Variants in C6orf52 observed in about 807,000 individuals in gnomAD.
C6orf52 encodes putative uncharacterized protein C6orf52.
In C6orf52, 16 loss-of-function variants were observed where a neutral mutation model predicts 16.6. The observed-to-expected ratio is 0.96, with a 90% CI of 0.65 to 1.46. C6orf52 has a LOEUF of 1.46. C6orf52 is among the 40% of genes most tolerant of loss of function. C6orf52 has a pLI of 0.00. For synonymous variants in C6orf52, 53 were observed against 61.4 expected, an observed-to-expected ratio of 0.86 and a Z score of 0.64; for missense variants, 166 against 182.3, an observed-to-expected ratio of 0.91 and a Z score of 0.52.
chr6:10,684,291 G>C (rs1183658724), intron 3 of C6orf52, among the ~76,000 whole-genome samples: 1 of 152,166 alleles, frequency 6.6e-6, no homozygotes, highest in Non-Finnish European at 1.5e-5. Context: ...CTGGGCAAAA[G>C]AGCAAGACAT....
intron 4 of C6orf52, among the ~76,000 whole-genome samples, chr6:10,676,216 T>G (rs1026155151): frequency 1.8e-4 from 27 of 152,194 alleles, no homozygotes; most frequent in Admixed American, 1.3e-4. Flanking sequence ...ATAAAAATTT[T>G]TTTAAATGTG....
chr6:10,682,257 T>C (rs549966318), intron 4 of C6orf52, among the ~76,000 whole-genome samples: 2 of 152,280 alleles, frequency 1.3e-5, no homozygotes, highest in South Asian at 2.1e-4. Flanking sequence ...TTTTAATAAA[T>C]TGCATAACTG....
chr6:10,678,849 C>T (rs1768116725), intron 4 of C6orf52, among the ~76,000 whole-genome samples: 1 of 152,180 alleles, frequency 6.6e-6, no homozygotes, highest in Non-Finnish European at 1.5e-5. Context: ...AATCCCCGCA[C>T]TTTGGGAGGC....
At chr6:10,675,098 C>T (rs896932707) in intron 4 of C6orf52, among the ~76,000 whole-genome samples, 4 of 152,106 alleles carry the variant, frequency 2.6e-5, no homozygotes, top group Admixed American at 6.5e-5. Flanking sequence ...TGTAAGCCAC[C>T]GTGCCCAGCC....
chr6:10,685,003 G>T, intron 3 of C6orf52: 3 of 766,496 alleles, frequency 3.9e-6, no homozygotes, highest in Non-Finnish European at 5.2e-6. Context: ...GCCTGAGGGT[G>T]AGATAAAAAT....
At chr6:10,673,219 A>C (rs1002388411) in intron 4 of C6orf52, among the ~76,000 whole-genome samples, 1 of 152,228 alleles carries the variant, frequency 6.6e-6, no homozygotes, top group East Asian at 1.9e-4. Flanking sequence ...GTGGGGAAAG[A>C]GGAGTTAGGA....
intron 4 of C6orf52, among the ~76,000 whole-genome samples, chr6:10,675,596 A>G (rs779349724): frequency 2.0e-5 from 3 of 152,168 alleles, no homozygotes; most frequent in Non-Finnish European, 4.4e-5. Context: ...TAATTTGAGG[A>G]AACGCCATAC....
intron 1 of C6orf52, among the ~76,000 whole-genome samples, chr6:10,691,832 G>T (rs183982932): frequency 1.3e-5 from 2 of 151,994 alleles, no homozygotes; most frequent in South Asian, 2.1e-4. Flanking sequence ...CTAAGTTTTG[G>T]GGTTTTTTTT....
chr6:10,678,518 G>T (rs996844520), intron 4 of C6orf52, among the ~76,000 whole-genome samples: 1 of 152,118 alleles, frequency 6.6e-6, no homozygotes, highest in Non-Finnish European at 1.5e-5. Flanking sequence ...CAGTTTTTTG[G>T]CAGAGTCTGT....
chr6:10,690,638 GC>G (rs1769210330), intron 1 of C6orf52, among the ~76,000 whole-genome samples: 1 of 152,092 alleles, frequency 6.6e-6, no homozygotes, highest in Non-Finnish European at 1.5e-5. Flanking sequence ...ACAAACCGAA[GC>G]TAAGCACTCA....
At chr6:10,672,116 C>T (rs906210936) in intron 4 of C6orf52, among the ~76,000 whole-genome samples, 1 of 152,174 alleles carries the variant, frequency 6.6e-6, no homozygotes, top group African/African-American at 2.4e-5. Flanking sequence ...AACCCTGTGA[C>T]GAGATGGTAT....
At chr6:10,678,690 T>G (rs1454084151) in intron 4 of C6orf52, among the ~76,000 whole-genome samples, 1 of 152,198 alleles carries the variant, frequency 6.6e-6, no homozygotes, top group African/African-American at 2.4e-5. Context: ...ATGCCTGTAA[T>G]CCCAGTACTT....
At chr6:10,679,660 A>C (rs1424247554) in intron 4 of C6orf52, among the ~76,000 whole-genome samples, 1 of 151,870 alleles carries the variant, frequency 6.6e-6, no homozygotes, top group Non-Finnish European at 1.5e-5. Context: ...ATATCACATC[A>C]TGTCATCTTC....
At chr6:10,675,842 T>C (rs1767826101) in intron 4 of C6orf52, among the ~76,000 whole-genome samples, 1 of 152,148 alleles carries the variant, frequency 6.6e-6, no homozygotes, top group Non-Finnish European at 1.5e-5. Flanking sequence ...AGAAATGTCT[T>C]AAAAAATGGC....
At chr6:10,691,381 G>A (rs1028622665) in intron 1 of C6orf52, among the ~76,000 whole-genome samples, 2 of 151,990 alleles carry the variant, frequency 1.3e-5, no homozygotes, top group African/African-American at 4.8e-5. Context: ...TGAGAGGGTC[G>A]TGATTGACTG....
At chr6:10,686,132 G>C (rs575819772) in intron 3 of C6orf52, among the ~76,000 whole-genome samples, 1 of 152,200 alleles carries the variant, frequency 6.6e-6, no homozygotes, top group South Asian at 2.1e-4. Flanking sequence ...CCGGACTCAA[G>C]TGATCGTCCC....
chr6:10,686,518 T>TAATACTTTGAATTAC (rs1768880060), intron 3 of C6orf52, among the ~76,000 whole-genome samples: 1 of 152,218 alleles, frequency 6.6e-6, no homozygotes, highest in Non-Finnish European at 1.5e-5. Context: ...AAATATATTT[T>TAATACTTTGAATTAC]TAAAGTGTGT....
chr6:10,691,205 T>C (rs1769264541), intron 1 of C6orf52, among the ~76,000 whole-genome samples: 1 of 152,194 alleles, frequency 6.6e-6, no homozygotes, highest in Admixed American at 6.5e-5. Context: ...AGTACTTAAA[T>C]TGTAGCAGGA....
At chr6:10,674,508 G>A (rs138473030) in intron 4 of C6orf52, 174 of 152,154 alleles carry the variant, frequency 1.1e-3, no homozygotes, top group African/African-American at 3.4e-3. Flanking sequence ...TATTTATCAC[G>A]TACAACATAG....
Sources: gnomAD v4.1 joint callset for allele counts (sites outside exome capture counted in the v4.1 genomes callset) on GRCh38, gnomAD v4.1.1 for gene constraint, MANE v1.5 for transcripts, NCBI Gene and HGNC (gene_info 2026-07-23, HGNC 2026-07-21) for gene names.